The following PDZRN4 variants were observed in gnomAD, a reference collection of about 807,000 sequenced individuals.
PDZRN4 encodes PDZ domain-containing RING finger protein 4.
Under a neutral mutation model 99.0 loss-of-function variants are expected in PDZRN4, and 70 were observed. That is an observed-to-expected ratio of 0.71 (90% CI 0.58 to 0.86). PDZRN4 has a LOEUF of 0.86. PDZRN4 is among the 40% of genes least tolerant of loss of function. The pLI, the probability that PDZRN4 is intolerant of heterozygous loss-of-function variation, is 0.00. For missense variants in PDZRN4, 1,474 were observed against 1,331.2 expected, an observed-to-expected ratio of 1.11 and a Z score of -1.67; for synonymous variants, 551 against 501.6, an observed-to-expected ratio of 1.10 and a Z score of -1.32.
rs529809164 is a variant in PDZRN4, at chr12:41,276,823, T to C, written c.843+82635T>C. 2.6e-5 allele frequency among the ~76,000 whole-genome samples: 4 copies of C among 152,326 alleles called. No homozygotes were observed. In the East Asian group the frequency reaches 7.7e-4, roughly 29 times the overall value. ...AGGAATGTTAGCTACTCTTATTATCTATCTATGGTCAGTACCCTATATTTG... is the reference window on the plus strand; with the variant it reads ...AGGAATGTTAGCTACTCTTATTATCCATCTATGGTCAGTACCCTATATTTG... On this transcript the variant is annotated intron_variant, in intron 3 of 9. Coordinates refer to ENST00000402685, the MANE Select transcript of PDZRN4 (RefSeq NM_001164595.2).
intron 3 of PDZRN4, among the ~76,000 whole-genome samples, chr12:41,439,329 G>T (rs1009406675): frequency 1.3e-5 from 2 of 152,132 alleles, no homozygotes; most frequent in African/African-American, 4.8e-5. Context: ...TTTGACTCAT[G>T]AAAACAGTCT....
chr12:41,396,098 C>T (rs541654555), intron 3 of PDZRN4, among the ~76,000 whole-genome samples: 153 of 152,186 alleles, frequency 1.0e-3, no homozygotes, highest in African/African-American at 3.0e-3. Context: ...ACCCAGAAAG[C>T]GACTTTGATG....
chr12:41,482,735 G>T (rs1937696582), intron 3 of PDZRN4, among the ~76,000 whole-genome samples: 1 of 152,068 alleles, frequency 6.6e-6, no homozygotes, highest in Non-Finnish European at 1.5e-5. Context: ...TCTCAGAGAA[G>T]AACATTTTAA....
intron 3 of PDZRN4, among the ~76,000 whole-genome samples, chr12:41,388,711 G>T (rs1358217535): frequency 6.6e-6 from 1 of 152,140 alleles, no homozygotes; most frequent in Non-Finnish European, 1.5e-5. Flanking sequence ...TTCAGGATTG[G>T]ATTTTGTGTA....
At chr12:41,195,567 T>C (rs1950765684) in intron 3 of PDZRN4, among the ~76,000 whole-genome samples, 1 of 152,004 alleles carries the variant, frequency 6.6e-6, no homozygotes, top group South Asian at 2.1e-4. Context: ...ATTAGCCGAC[T>C]ACAAAATTTA....
chr12:41,234,691 C>G (rs1298030438), intron 3 of PDZRN4, among the ~76,000 whole-genome samples: 2 of 151,988 alleles, frequency 1.3e-5, no homozygotes, highest in African/African-American at 4.8e-5. Context: ...TAAAGGACAA[C>G]GTTTTCTTTT....
chr12:41,272,345 C>T (rs768643235), intron 3 of PDZRN4, among the ~76,000 whole-genome samples: 2 of 152,034 alleles, frequency 1.3e-5, no homozygotes, highest in Non-Finnish European at 2.9e-5. Flanking sequence ...ACATACAGAT[C>T]AGGATCTTCA....
chr12:41,288,672 C>T (rs1817022007), intron 3 of PDZRN4, among the ~76,000 whole-genome samples: 1 of 152,118 alleles, frequency 6.6e-6, no homozygotes, highest in Admixed American at 6.6e-5. Context: ...ATTTTATCCT[C>T]TTAAAAATAC....
At chr12:41,474,526 G>C (rs1477181786) in intron 3 of PDZRN4, among the ~76,000 whole-genome samples, 2 of 152,194 alleles carry the variant, frequency 1.3e-5, no homozygotes, top group Non-Finnish European at 2.9e-5. Flanking sequence ...TGTAAACGAT[G>C]GAGTTGAAAC....
intron 3 of PDZRN4, among the ~76,000 whole-genome samples, chr12:41,196,957 G>C (rs1301885525): frequency 6.6e-6 from 1 of 151,734 alleles, no homozygotes; most frequent in Admixed American, 6.6e-5. Context: ...CAGTGTAAAG[G>C]GTACAAACTA....
intron 3 of PDZRN4, among the ~76,000 whole-genome samples, chr12:41,434,044 T>C (rs1952607235): frequency 6.6e-6 from 1 of 152,230 alleles, no homozygotes; most frequent in African/African-American, 2.4e-5. Flanking sequence ...TTTTTGGTAA[T>C]CATTTTCCTA....
intron 3 of PDZRN4, among the ~76,000 whole-genome samples, chr12:41,383,078 GAGCCTCAGATATGACT>G (rs1206198203): frequency 6.6e-6 from 1 of 152,114 alleles, no homozygotes; most frequent in Admixed American, 6.6e-5. Flanking sequence ...GTAATGCATT[GAGCCTCAGATATGACT>G]GTTCAACACC....
At chr12:41,299,456 T>C (rs2120927157) in intron 3 of PDZRN4, among the ~76,000 whole-genome samples, 2 of 152,242 alleles carry the variant, frequency 1.3e-5, no homozygotes, top group Middle Eastern at 6.8e-3. Context: ...TTATTGGTTC[T>C]GAGTTCACAT....
At chr12:41,301,432 G>A (rs1397526387) in intron 3 of PDZRN4, among the ~76,000 whole-genome samples, 1 of 151,944 alleles carries the variant, frequency 6.6e-6, no homozygotes, top group Admixed American at 6.6e-5. Context: ...AATGAAATAT[G>A]ACTATGAACA....
chr12:41,504,579 G>A (rs773952377), intron 3 of PDZRN4, among the ~76,000 whole-genome samples: 7 of 152,166 alleles, frequency 4.6e-5, no homozygotes, highest in East Asian at 1.9e-4. Context: ...GTGCTTTTTC[G>A]TTCTGGGATT....
At chr12:41,421,356 T>C (rs1437678806) in intron 3 of PDZRN4, among the ~76,000 whole-genome samples, 2 of 151,900 alleles carry the variant, frequency 1.3e-5, no homozygotes, top group Non-Finnish European at 2.9e-5. Context: ...CCACACCTGG[T>C]TGATTTTTGT....
rs1952637322 is a variant in PDZRN4 at position 41,437,173 on chromosome 12, A to G, written c.844-69283A>G. 3.9e-5 allele frequency among the ~76,000 whole-genome samples: 6 copies of G among 152,294 alleles called. No homozygotes were observed. The South Asian group carries it at 1.2e-3, about 32-fold the overall frequency. The stretch of plus-strand genomic sequence containing the variant: ...AAGTAATGGTCTTTACATATGAACT[A>G]TTCAGTTATTTTTGTAGTATCAGAA... On this transcript the variant is annotated intron_variant, in intron 3 of 9. Transcript: ENST00000402685.
intron 3 of PDZRN4, among the ~76,000 whole-genome samples, chr12:41,300,928 T>C (rs1239903046): frequency 6.6e-6 from 1 of 152,074 alleles, no homozygotes; most frequent in Non-Finnish European, 1.5e-5. Flanking sequence ...TTCTGTGTTA[T>C]GGCTTCTGTT....
chr12:41,403,350 T>C (rs556736595), intron 3 of PDZRN4, among the ~76,000 whole-genome samples: 11 of 152,118 alleles, frequency 7.2e-5, no homozygotes, highest in Non-Finnish European at 1.6e-4. Flanking sequence ...GGAAAGACCA[T>C]TTGTAACAGT....
Sources: gnomAD v4.1 joint callset for allele counts (sites outside exome capture counted in the v4.1 genomes callset) on GRCh38, gnomAD v4.1.1 for gene constraint, MANE v1.5 for transcripts, NCBI Gene and HGNC (gene_info 2026-07-23, HGNC 2026-07-21) for gene names.